GSG1L: variants seen among roughly 807,000 people sequenced by gnomAD.
GSG1L encodes GSG1 like.
GSG1L carries 24 observed loss-of-function variants against 42.1 expected under a neutral mutation model. That is an observed-to-expected ratio of 0.57 (90% confidence interval 0.41 to 0.80). GSG1L has a LOEUF of 0.80. Ranked by LOEUF, GSG1L falls within the 30% of genes least tolerant of loss-of-function variation. The pLI, the probability that GSG1L is intolerant of heterozygous loss-of-function variation, is 0.00. For missense variants in GSG1L, 445 were observed against 472.2 expected, an observed-to-expected ratio of 0.94 and a Z score of 0.53; for synonymous variants, 215 against 203.5, an observed-to-expected ratio of 1.06 and a Z score of -0.48.
At chr16:27,956,084 T>C (rs1465311217) in intron 2 of GSG1L, among the ~76,000 whole-genome samples, 9 of 152,208 alleles carry the variant, frequency 5.9e-5, no homozygotes, top group Admixed American at 2.0e-4. Context: ...TGAACAGTTT[T>C]CTTTTGAAGC....
At chr16:28,051,134 A>C (rs906218751) in intron 1 of GSG1L, among the ~76,000 whole-genome samples, 1 of 152,198 alleles carries the variant, frequency 6.6e-6, no homozygotes, top group Non-Finnish European at 1.5e-5. Flanking sequence ...TCTCCTTCTG[A>C]GTCAACCCAA....
At chr16:27,850,891 T>C (rs1372178256) in intron 3 of GSG1L, among the ~76,000 whole-genome samples, 1 of 151,088 alleles carries the variant, frequency 6.6e-6, no homozygotes, top group African/African-American at 2.4e-5. Flanking sequence ...CCCTCCAGAC[T>C]CAGCCTCCCA....
intron 2 of GSG1L, among the ~76,000 whole-genome samples, chr16:27,887,788 T>TTTTTC (rs1169378081): frequency 5.9e-5 from 9 of 152,178 alleles, no homozygotes; most frequent in Non-Finnish European, 8.8e-5. Flanking sequence ...TTCTTCCCTT[T>TTTTTC]TTTTCTTTTC....
Position 28,022,329 on chromosome 16 carries a change from G to A in GSG1L, c.349+40747C>T, listed in dbSNP as rs564545476. On this transcript the variant is annotated intron_variant, in intron 1 of 6. Transcript: ENST00000447459. ...TTTTAATGCACTTTTCTGCATACAT[G>A]TTTTTGTTTTTTAGGAGACAAGGTC... 2.0e-5 allele frequency among the ~76,000 whole-genome samples: 3 copies of A among 152,224 alleles called. No homozygotes were observed. In the South Asian group the frequency reaches 6.2e-4, roughly 32 times the overall value.
intron 6 of GSG1L, among the ~76,000 whole-genome samples, chr16:27,800,765 G>C (rs1013927927): frequency 2.6e-5 from 4 of 152,190 alleles, no homozygotes; most frequent in Non-Finnish European, 4.4e-5. Flanking sequence ...AAACGTGGAG[G>C]TTGACAGCCA....
intron 2 of GSG1L, among the ~76,000 whole-genome samples, chr16:27,916,251 C>T (rs1296027173): frequency 6.6e-6 from 1 of 152,098 alleles, no homozygotes; most frequent in Non-Finnish European, 1.5e-5. Context: ...CTTACTCTGC[C>T]CTCTGTGTCT....
At chr16:27,832,055 C>T (rs1253501798) in intron 4 of GSG1L, among the ~76,000 whole-genome samples, 1 of 152,210 alleles carries the variant, frequency 6.6e-6, no homozygotes, top group Non-Finnish European at 1.5e-5. Context: ...CCCTCTCCAT[C>T]ATTCTGTATC....
At position 27,884,413 on chromosome 16, in the gene GSG1L, C is replaced by G; in HGVS notation, c.550+73G>C. On this transcript the variant is annotated intron_variant, in intron 3 of 6. Coordinates refer to ENST00000447459, the MANE Select transcript of GSG1L (RefSeq NM_001109763.2). The surrounding 1 kb of genome is among the most constrained non-coding windows in gnomAD (Gnocchi z 4.4). ...GTCCAATGCCTCCCGGTTGGTACAA[C>G]CAGGGCTTACTCCAAGGGCAGCACC... 1 of 1,441,954 alleles carries G rather than the reference C, an allele frequency of 6.9e-7. No individual in the cohort carries two copies. Among genetic ancestry groups the G allele is most frequent in the Non-Finnish European group, 9.4e-7 (1 of 1,064,966 alleles). 89.3% of individuals were successfully genotyped at this position (1,441,954 alleles called of 1,614,324 possible). A position where few individuals can be genotyped will look rare whatever the true frequency, so the allele number is the denominator to read the frequency against.
At chr16:27,846,585 C>T (rs1319075418) in intron 3 of GSG1L, among the ~76,000 whole-genome samples, 1 of 152,168 alleles carries the variant, frequency 6.6e-6, no homozygotes, top group Non-Finnish European at 1.5e-5. Flanking sequence ...TAAGGAAATT[C>T]AATAAGTAAA....
chr16:27,825,206 C>A (rs981552792), intron 5 of GSG1L, among the ~76,000 whole-genome samples: 1 of 152,196 alleles, frequency 6.6e-6, no homozygotes, highest in African/African-American at 2.4e-5. Context: ...AGAGTCTAGT[C>A]AATCACCAGA....
At chr16:27,833,688 T>TA (rs2083294410) in intron 4 of GSG1L, among the ~76,000 whole-genome samples, 1 of 152,182 alleles carries the variant, frequency 6.6e-6, no homozygotes, top group East Asian at 1.9e-4. Context: ...GATTTATGTC[T>TA]ATTTCACTTT....
At chr16:27,911,878 C>T (rs2084395319) in intron 2 of GSG1L, among the ~76,000 whole-genome samples, 1 of 152,202 alleles carries the variant, frequency 6.6e-6, no homozygotes, top group Non-Finnish European at 1.5e-5. Context: ...TGACTGACAA[C>T]TTACTTTTTT....
At chr16:27,846,726 A>T (rs1044805316) in intron 3 of GSG1L, among the ~76,000 whole-genome samples, 3 of 152,146 alleles carry the variant, frequency 2.0e-5, no homozygotes, top group African/African-American at 7.2e-5. Flanking sequence ...AGGCCGAGGC[A>T]TGCGGATCAC....
chr16:27,857,417 G>C (rs2083592611), intron 3 of GSG1L, among the ~76,000 whole-genome samples: 1 of 133,454 alleles, frequency 7.5e-6, no homozygotes, highest in African/African-American at 3.0e-5. Flanking sequence ...AAGAGAGCAA[G>C]ACTACATCTC....
chr16:28,049,515 TA>T (rs78866330), intron 1 of GSG1L, among the ~76,000 whole-genome samples: 7,881 of 133,898 alleles, frequency 0.059, 619 homozygotes, highest in African/African-American at 0.19. Context: ...ACCCCACCTC[TA>T]AAAAAAAAAA....
intron 2 of GSG1L, among the ~76,000 whole-genome samples, chr16:27,888,509 T>G (rs1334017557): frequency 2.2e-4 from 3 of 13,378 alleles, no homozygotes; most frequent in Admixed American, 2.6e-3. Context: ...CTTTCTTTCT[T>G]TCTTTCTTTC....
intron 1 of GSG1L, among the ~76,000 whole-genome samples, chr16:28,055,706 G>A (rs1007628460): frequency 1.7e-4 from 26 of 152,032 alleles, no homozygotes; most frequent in Non-Finnish European, 7.4e-5. Flanking sequence ...CAGACCTCAG[G>A]TGATCCGCCC....
At chr16:27,856,212 A>G (rs549500433) in intron 3 of GSG1L, among the ~76,000 whole-genome samples, 9 of 151,876 alleles carry the variant, frequency 5.9e-5, no homozygotes, top group African/African-American at 2.2e-4. Flanking sequence ...GTTTCCAAAC[A>G]TTGGCCAAAT....
At chr16:27,946,656 A>AAAG (rs879647684) in intron 2 of GSG1L, among the ~76,000 whole-genome samples, 2,072 of 27,112 alleles carry the variant, frequency 0.076, 286 homozygotes, top group East Asian at 0.15. Context: ...AGAAAGAAAG[A>AAAG]AAAGAAAGAA....
Sources: gnomAD v4.1 joint callset for allele counts (sites outside exome capture counted in the v4.1 genomes callset) on GRCh38, gnomAD v4.1.1 for gene constraint, Gnocchi (gnomAD v3.1) non-coding constraint, MANE v1.5 for transcripts, NCBI Gene and HGNC (gene_info 2026-07-23, HGNC 2026-07-21) for gene names.